The following VRTN variants were observed in gnomAD, a reference collection of about 807,000 sequenced individuals.
The protein encoded by VRTN is vertebrae development associated, also known as vertnin.
VRTN carries 5 observed loss-of-function variants against 18.2 expected under a neutral mutation model. The observed-to-expected ratio is 0.27, with a 90% CI of 0.14 to 0.58. The LOEUF (loss-of-function observed/expected upper bound fraction) is 0.58. Ranked by LOEUF, VRTN falls within the 20% of genes least tolerant of loss-of-function variation. The pLI is 0.91. For synonymous variants in VRTN, 381 were observed against 393.7 expected (o/e 0.97, Z 0.38); for missense variants, 741 against 939.4 (o/e 0.79, Z 2.76).
intron 1 of VRTN, chr14:74,337,628 C>T (rs1293024506): frequency 6.6e-6 from 1 of 152,176 alleles, no homozygotes; most frequent in African/African-American, 2.4e-5. Flanking sequence ...CTTGAAACTG[C>T]TTCAGGGCCA....
intron 1 of VRTN, among the ~76,000 whole-genome samples, chr14:74,331,121 G>A (rs1286191171): frequency 1.3e-5 from 2 of 151,958 alleles, no homozygotes; most frequent in Non-Finnish European, 2.9e-5. Flanking sequence ...AGAATGGCGT[G>A]AACCCGGGAG....
At chr14:74,345,809 A>G (rs991975362), upstream of VRTN, among the ~76,000 whole-genome samples, 5 of 151,344 alleles carry the variant, frequency 3.3e-5, no homozygotes, top group African/African-American at 4.8e-5. Flanking sequence ...CTGTAATCCC[A>G]GCTACTGGGG....
At chr14:74,345,140 TG>T (rs1266868981), upstream of VRTN, among the ~76,000 whole-genome samples, 1 of 152,200 alleles carries the variant, frequency 6.6e-6, no homozygotes, top group South Asian at 2.1e-4. Flanking sequence ...CTTCACCTCC[TG>T]GGCTTATTGA....
chr14:74,350,921 GC>G, intron 1 of VRTN, among the ~76,000 whole-genome samples: 1 of 152,328 alleles, frequency 6.6e-6, no homozygotes, highest in Admixed American at 6.5e-5. Context: ...TCGGCTAATT[GC>G]GTGTAAGGGT....
chr14:74,344,636 G>A (rs1595172660), upstream of VRTN, among the ~76,000 whole-genome samples: 1 of 145,586 alleles, frequency 6.9e-6, no homozygotes, highest in East Asian at 2.0e-4. Context: ...TCAGGAGGCT[G>A]AGGCAGGAGA....
upstream of VRTN, among the ~76,000 whole-genome samples, chr14:74,345,300 C>T (rs1234424144): frequency 6.6e-6 from 1 of 151,348 alleles, no homozygotes; most frequent in Admixed American, 6.6e-5. Flanking sequence ...CTGCCTTGGC[C>T]TCCCAACGTG....
chr14:74,330,950 A>C (rs950089181), intron 1 of VRTN, among the ~76,000 whole-genome samples: 2 of 151,790 alleles, frequency 1.3e-5, no homozygotes, highest in Non-Finnish European at 2.9e-5. Context: ...CTGTAATCCC[A>C]GCACTTTGAG....
At chr14:74,344,595 C>T (rs1490399719), upstream of VRTN, among the ~76,000 whole-genome samples, 2 of 150,578 alleles carry the variant, frequency 1.3e-5, no homozygotes, top group Non-Finnish European at 1.5e-5. Flanking sequence ...TTAGCAGGGG[C>T]GTGGTGGTGG....
rs768435858 is a variant in VRTN at position 74,358,314 on chromosome 14, C to T, written c.1531C>T (p.Leu511=). The change falls in exon 2 of 2, where the codon CTG becomes TTG. Residue 511 remains leucine (L), a synonymous_variant. Coordinates refer to ENST00000256362, the MANE Select transcript of VRTN (RefSeq NM_018228.3). This position sits in a 1 kb window ranked among gnomAD's most constrained non-coding sequence, Gnocchi z 5.4. ...GCCCCTGTCCCGTTGGCAGAGGCGTCTGCGCAGGGCTGCCCGCAGGCAGGT... is the reference window on the plus strand; with the variant it reads ...GCCCCTGTCCCGTTGGCAGAGGCGTTTGCGCAGGGCTGCCCGCAGGCAGGT... ...RMPLSRWQRR[L]RRAARRQVLS... is the part of the protein sequence containing the mutation. The T allele has an allele frequency of 3.7e-6, 6 of 1,611,184 alleles. No individual in the cohort carries two copies. The South Asian group carries it at 5.5e-5, about 15-fold the overall frequency.
rs906504354 is a variant in VRTN, at chr14:74,342,932, A to G, written c.-2+5048A>G. ...ACGCCAGTCTAAAAGGCTCTTACAT[A>G]TATGAAAAATGCTCTTTCATCATAA... On this transcript the variant is annotated intron_variant, in intron 2 of 2. Transcript: ENST00000557177. Among the ~76,000 whole-genome samples, 4 of 152,204 alleles carry G rather than the reference A, an allele frequency of 2.6e-5. No individual in the cohort carries two copies. In the East Asian group the frequency reaches 5.8e-4, roughly 22 times the overall value.
chr14:74,333,823 G>C (rs903033690), intron 1 of VRTN, among the ~76,000 whole-genome samples: 2 of 151,850 alleles, frequency 1.3e-5, no homozygotes, highest in African/African-American at 4.8e-5. Context: ...CTGGGCGACA[G>C]AGCGAGACTC....
intron 1 of VRTN, among the ~76,000 whole-genome samples, chr14:74,322,523 T>G (rs761922538): frequency 3.3e-5 from 5 of 152,182 alleles, no homozygotes; most frequent in African/African-American, 4.8e-5. Context: ...TGTTCTCCCC[T>G]TGGTAGGAAA....
intron 1 of VRTN, among the ~76,000 whole-genome samples, chr14:74,333,138 T>G (rs1325041358): frequency 1.3e-5 from 2 of 152,150 alleles, no homozygotes; most frequent in Non-Finnish European, 2.9e-5. Context: ...ATCCCAGCAC[T>G]TTAGGAGGCC....
Position 74,314,276 on chromosome 14 carries a change from C to A in VRTN, c.-164+11100C>A, listed in dbSNP as rs575076176. ...CCTTCCCAGTAGCTGGAGTTGCAGG[C>A]GCACACCACCATGTCCATCTAAAAG... On this transcript the variant is annotated intron_variant, in intron 1 of 2. Coordinates refer to the VRTN transcript ENST00000557177. 9.2e-5 allele frequency among the ~76,000 whole-genome samples: 14 copies of A among 151,882 alleles called. No individual in the cohort carries two copies. The South Asian group carries it at 2.7e-3, about 29-fold the overall frequency.
intron 1 of VRTN, among the ~76,000 whole-genome samples, chr14:74,322,539 A>G (rs1406598569): frequency 6.6e-6 from 1 of 152,152 alleles, no homozygotes; most frequent in Admixed American, 6.6e-5. Context: ...GGAAAACACA[A>G]TTATTGGCCT....
chr14:74,319,925 C>T (rs2085442208), intron 1 of VRTN, among the ~76,000 whole-genome samples: 1 of 152,106 alleles, frequency 6.6e-6, no homozygotes, highest in African/African-American at 2.4e-5. Context: ...AATGTGTTGT[C>T]CTGAAAGCCA....
rs764330880 is a variant in VRTN at position 74,349,878 on chromosome 14, AC to A, written c.-2+1231del. On this transcript the variant is annotated intron_variant, in intron 1 of 1. Coordinates refer to ENST00000256362, the MANE Select transcript of VRTN (RefSeq NM_018228.3). ...GGATGCCTCTGGATGTCCTGCCTTT[AC>A]CCCCGCCCTTCTAATCTCAGGCAAG... Among the ~76,000 whole-genome samples, 18 of 151,946 alleles carry A rather than the reference AC, an allele frequency of 1.2e-4. 3 individuals are homozygous for A. Among genetic ancestry groups the A allele is most frequent in the Admixed American group, 1.1e-3 (17 of 15,258 alleles).
In VRTN at chr14:74,358,930, A is replaced by G. The variant is rs1232570991; in HGVS notation, c.*38A>G. The G allele has an allele frequency of 6.4e-7, 1 of 1,571,930 alleles. No homozygotes were observed. Among genetic ancestry groups the G allele is most frequent in the Non-Finnish European group, 8.6e-7 (1 of 1,158,706 alleles). On this transcript the variant is annotated 3_prime_UTR_variant, in exon 2 of 2. Coordinates refer to ENST00000256362, the MANE Select transcript of VRTN (RefSeq NM_018228.3). This position sits in a 1 kb window ranked among gnomAD's most constrained non-coding sequence, Gnocchi z 5.4. ...AAAGGGGCTGGGAAGAAGGGGGACC[A>G]GTTTGGAGAGGGTCAGGGACCTGAG...
In VRTN at chr14:74,331,542, TTTTATATATATATATA is replaced by T. The variant is rs1339742555; in HGVS notation, c.-163-6179_-163-6164del. ...AAAACTCCATCTCAAAAAAAAAAAA[TTTTATATATATATATA>T]TATATATATATATATATATATATAT... On this transcript the variant is annotated intron_variant, in intron 1 of 2. Transcript: ENST00000557177. Among the ~76,000 whole-genome samples, 442 of 64,918 alleles carry T rather than the reference TTTTATATATATATATA, an allele frequency of 6.8e-3. 16 individuals are homozygous for T. The highest frequency in any genetic ancestry group is 0.03 in the South Asian group (61 of 2,056). 42.6% of individuals were successfully genotyped at this position (64,918 alleles called of 152,430 possible). A position where few individuals can be genotyped will look rare whatever the true frequency, so the allele number is the denominator to read the frequency against.
Sources: allele counts gnomAD v4.1 joint callset (sites outside exome capture counted in the v4.1 genomes callset), GRCh38; gene constraint gnomAD v4.1.1; non-coding constraint Gnocchi (gnomAD v3.1); transcripts MANE v1.5; gene names NCBI Gene and HGNC (gene_info 2026-07-23, HGNC 2026-07-21).